The following PCLO variants were observed in gnomAD, a reference collection of about 807,000 sequenced individuals.
PCLO encodes piccolo presynaptic cytomatrix protein, also known as protein piccolo.
A neutral mutation model predicts 427.5 loss-of-function variants in PCLO; 82 were observed. The ratio of observed to expected loss-of-function variants is 0.19; its 90% confidence interval spans 0.16 to 0.23. The LOEUF (loss-of-function observed/expected upper bound fraction) is 0.23. PCLO is among the 10% of genes least tolerant of loss of function. The pLI is 1.00. For missense variants in PCLO, 6,239 were observed against 6,115.9 expected (o/e 1.02, Z -0.67); for synonymous variants, 2,357 against 2,155.4 (o/e 1.09, Z -2.59).
rs754380640 is a variant in PCLO, at chr7:83,135,458, G to T, written c.2092C>A (p.Pro698Thr). 6.2e-7 allele frequency: 1 copy of T among 1,613,760 alleles called. No individual in the cohort carries two copies. Residue 698 changes from proline to threonine, a missense_variant, in exon 3 of 25, where the codon CCT becomes ACT. By Grantham distance (38) the Pro-to-Thr change is conservative. Transcript: ENST00000333891. Reference sequence around the variant, plus strand: ...AGTGGTGGTGGCTTTTTAGGCTCAGGTGCCTTGGAGAGATCCTGTTTTGGT... The same window carrying T: ...AGTGGTGGTGGCTTTTTAGGCTCAGTTGCCTTGGAGAGATCCTGTTTTGGT... ...AAPKQDLSKA[P>T]EPKKPPPLVK...
At chr7:82,957,461 A>C (rs1584220674) in intron 4 of PCLO, among the ~76,000 whole-genome samples, 1 of 152,218 alleles carries the variant, frequency 6.6e-6, no homozygotes, top group East Asian at 1.9e-4. Flanking sequence ...TATGCCATGT[A>C]CCACAAATAA....
Position 82,991,521 on chromosome 7 carries a change from T to C in PCLO, c.3301-25034A>G, listed in dbSNP as rs965382107. 2.6e-5 allele frequency among the ~76,000 whole-genome samples: 4 copies of C among 152,238 alleles called. No homozygotes were observed. The South Asian group carries it at 8.3e-4, about 32-fold the overall frequency. Reference sequence around the variant, plus strand: ...CCCTATAAATGAAAGTCTTTGCTCATAACTACCTTAATGCTGAGATAACAA... The same window carrying C: ...CCCTATAAATGAAAGTCTTTGCTCACAACTACCTTAATGCTGAGATAACAA... On this transcript the variant is annotated intron_variant, in intron 3 of 24. Transcript: ENST00000333891.
rs1388936936 is a variant in PCLO at position 82,756,408 on chromosome 7, G to A, written c.*2167C>T. The A allele has an allele frequency of 6.6e-6, 1 of 151,944 alleles. No homozygotes were observed. Among genetic ancestry groups the A allele is most frequent in the African/African-American group, 2.4e-5 (1 of 41,370 alleles). 9.4% of individuals were successfully genotyped at this position (151,944 alleles called of 1,614,324 possible). A position where few individuals can be genotyped will look rare whatever the true frequency, so the allele number is the denominator to read the frequency against. ...GTCTTTGATGATTCCACTCTCCCAT[G>A]CTCATTTGAGAGCAATGTCAATGGT... On this transcript the variant is annotated 3_prime_UTR_variant, in exon 25 of 25. Coordinates refer to ENST00000333891, the MANE Select transcript of PCLO (RefSeq NM_033026.6).
chr7:83,152,054 TC>T (rs1792146805), intron 2 of PCLO, among the ~76,000 whole-genome samples: 3 of 151,918 alleles, frequency 2.0e-5, no homozygotes, highest in African/African-American at 7.2e-5. Context: ...AAGCTCCGCC[TC>T]CCCGGTTCAG....
rs755320593 is a variant in PCLO, at chr7:83,154,755, A to G, written c.1886T>C (p.Leu629Ser). The stretch of plus-strand genomic sequence containing the variant: ...GTGAATAAATGCACTTACCTCCGTT[A>G]AATGAGGATTGGGATTAAAACCACA... Reference protein sequence around the residue: ...SLCGFNPNPHLTEVKEWLCLN... With the variant: ...SLCGFNPNPHSTEVKEWLCLN... Residue 629 changes from leucine (L) to serine (S), a missense_variant, in exon 2 of 25, where the codon TTA (leucine) becomes TCA (serine). Physicochemically the swap from Leu to Ser is moderately radical, Grantham distance 145. This residue lies in a region of PCLO where 4,677 missense variants were observed against 4,468.4 expected (regional missense o/e 1.05). Coordinates refer to ENST00000333891, the MANE Select transcript of PCLO (RefSeq NM_033026.6). 5 of 1,612,444 alleles carry G rather than the reference A, an allele frequency of 3.1e-6. No individual in the cohort carries two copies. The African/African-American group carries it at 6.7e-5, about 22-fold the overall frequency.
At chr7:83,081,740 AT>A (rs940537553) in intron 3 of PCLO, among the ~76,000 whole-genome samples, 2 of 151,788 alleles carry the variant, frequency 1.3e-5, no homozygotes, top group Admixed American at 1.3e-4. Context: ...TAAAATATTA[AT>A]TTTTTGTTTC....
intron 3 of PCLO, among the ~76,000 whole-genome samples, chr7:83,007,290 G>C (rs1316899204): frequency 6.6e-6 from 1 of 151,514 alleles, no homozygotes; most frequent in East Asian, 1.9e-4. Context: ...ATGATGTCTT[G>C]AGAGAACACT....
chr7:82,907,091 T>G (rs1374347706), intron 8 of PCLO, among the ~76,000 whole-genome samples: 1 of 151,982 alleles, frequency 6.6e-6, no homozygotes, highest in African/African-American at 2.4e-5. Flanking sequence ...CTTAAAGATA[T>G]GAATATTTCA....
chr7:82,761,606 T>A, intron 22 of PCLO, 113 bp from the exon 23 acceptor site: 2 of 708,322 alleles, frequency 2.8e-6, no homozygotes, highest in Non-Finnish European at 4.7e-6. Flanking sequence ...AAGTATCTTA[T>A]GACATCCTAA....
intron 10 of PCLO, among the ~76,000 whole-genome samples, chr7:82,867,854 G>A (rs1392154127): frequency 6.6e-6 from 1 of 152,080 alleles, no homozygotes; most frequent in Non-Finnish European, 1.5e-5. Flanking sequence ...AGAGAAATAT[G>A]TTTCTTTGTA....
chr7:82,928,576 G>T (rs1445166360), intron 6 of PCLO, among the ~76,000 whole-genome samples: 1 of 152,038 alleles, frequency 6.6e-6, no homozygotes, highest in Non-Finnish European at 1.5e-5. Context: ...TAGAGACAGG[G>T]TTTCACCATG....
In PCLO at chr7:83,050,208, G is replaced by GAAAAAAAAAA. The variant is rs556193471; in HGVS notation, c.3301-83731_3301-83722dup. Among the ~76,000 whole-genome samples, 16 of 5,458 alleles carry GAAAAAAAAAA rather than the reference G, an allele frequency of 2.9e-3. 1 individual carries two copies. The highest frequency in any genetic ancestry group is 3.6e-3 in the Non-Finnish European group (10 of 2,792). 3.6% of individuals were successfully genotyped at this position (5,458 alleles called of 152,430 possible). Reference sequence around the variant, plus strand: ...TGAACTATTCCTCATCTGAAAAACTGAAAAAAAAAAAAAAAAAAAAAAAAA... The same window carrying GAAAAAAAAAA: ...TGAACTATTCCTCATCTGAAAAACTGAAAAAAAAAAAAAAAAAAAAAAAAAAAAAAAAAAA... On this transcript the variant is annotated intron_variant, in intron 3 of 24. Coordinates refer to ENST00000333891, the MANE Select transcript of PCLO (RefSeq NM_033026.6).
At chr7:83,069,799 C>CCACCCACACACACA (rs1789763234) in intron 3 of PCLO, among the ~76,000 whole-genome samples, 1 of 75,516 alleles carries the variant, frequency 1.3e-5, no homozygotes. Context: ...ACCCCCCCGC[C>CCACCCACACACACA]CACACACACA....
At chr7:82,901,548 T>A (rs991643307) in intron 9 of PCLO, among the ~76,000 whole-genome samples, 4 of 151,928 alleles carry the variant, frequency 2.6e-5, no homozygotes, top group African/African-American at 9.7e-5. Flanking sequence ...CCAAAAGCAA[T>A]GGCAACAAAA....
intron 4 of PCLO, among the ~76,000 whole-genome samples, chr7:82,965,282 CA>C (rs34964554): frequency 0.3 from 43,995 of 148,308 alleles, 7,889 homozygotes; most frequent in East Asian, 0.47. Context: ...TTAGTTACGT[CA>C]TTTTTTTTTC....
chr7:82,997,808 T>G (rs1006859323), intron 3 of PCLO, among the ~76,000 whole-genome samples: 22 of 152,018 alleles, frequency 1.4e-4, no homozygotes, highest in Middle Eastern at 3.4e-3. Context: ...ACACACAGAG[T>G]GTTGGATTCA....
At chr7:83,025,124 G>C (rs1201064605) in intron 3 of PCLO, among the ~76,000 whole-genome samples, 1 of 152,164 alleles carries the variant, frequency 6.6e-6, no homozygotes, top group Non-Finnish European at 1.5e-5. Flanking sequence ...GACGAGCTGA[G>C]AGAAGAAGGC....
intron 23 of PCLO, 105 bp downstream of exon 23, chr7:82,761,254 C>A: frequency 1.7e-6 from 1 of 604,128 alleles, no homozygotes; most frequent in East Asian, 3.0e-5. Flanking sequence ...TTTTTTCTGA[C>A]ATATTTGGTG....
chr7:82,960,207 A>C (rs1301855808), intron 4 of PCLO, among the ~76,000 whole-genome samples: 1 of 152,198 alleles, frequency 6.6e-6, no homozygotes, highest in African/African-American at 2.4e-5. Flanking sequence ...AATGAATGCA[A>C]ATCTTCAATA....
Sources: allele counts gnomAD v4.1 joint callset (sites outside exome capture counted in the v4.1 genomes callset), GRCh38; gene constraint gnomAD v4.1.1; regional missense constraint gnomAD v4.1.1; transcripts MANE v1.5; gene names NCBI Gene and HGNC (gene_info 2026-07-23, HGNC 2026-07-21).